The following CD300C variants were observed in gnomAD, a reference collection of about 807,000 sequenced individuals.
CD300C encodes CMRF35-like molecule 6.
A neutral mutation model predicts 18.4 loss-of-function variants in CD300C; 11 were observed. That is an observed-to-expected ratio of 0.60 (90% confidence interval 0.38 to 0.99). CD300C has a LOEUF of 0.99. CD300C is among the 50% of genes least tolerant of loss of function. The probability of loss-of-function intolerance (pLI) is 0.01; values close to 1 mark genes in which losing one functional copy is unlikely to be tolerated. For missense variants in CD300C, 277 were observed against 287.4 expected (o/e 0.96, Z 0.26); for synonymous variants, 116 against 116.3 (o/e 1.00, Z 0.02).
In CD300C at chr17:74,542,987, G is replaced by C. The variant is rs753743850; in HGVS notation, c.401C>G (p.Ala134Gly). ...GGGGCTGGAGGCTGTGGTCGTCCCG[G>C]CTGTGGGTGAAACACAGGTCAACCT... ...IVEVEVSVFPAGTTTASSPQS... is the reference protein window; with the variant it reads ...IVEVEVSVFPGGTTTASSPQS... Residue 134 changes from alanine to glycine, a missense_variant and splice_region_variant, in exon 3 of 4, where the codon GCC (alanine) becomes GGC (glycine). Coordinates refer to ENST00000330793, the MANE Select transcript of CD300C (RefSeq NM_006678.5). 6.2e-7 allele frequency: 1 copy of C among 1,613,402 alleles called. No individual in the cohort carries two copies. Among genetic ancestry groups the C allele is most frequent in the East Asian group, 2.2e-5 (1 of 44,882 alleles).
chr17:74,545,794 G>A lies in CD300C; in HGVS notation c.-12C>T, dbSNP rs779995113. On this transcript the variant is annotated 5_prime_UTR_variant, in exon 1 of 4. Transcript: ENST00000330793. ...GCCCTGGCAGTCATTCCTGTAACACGAATGTCACCTGCCACTGTGCAAGAC... is the reference window on the plus strand; with the variant it reads ...GCCCTGGCAGTCATTCCTGTAACACAAATGTCACCTGCCACTGTGCAAGAC... 1.7e-5 allele frequency: 27 copies of A among 1,601,474 alleles called. No individual in the cohort carries two copies. Among genetic ancestry groups the A allele is most frequent in the Admixed American group, 5.1e-5 (3 of 58,834 alleles).
intron 1 of CD300C, 76 bp from the exon 2 acceptor site, chr17:74,545,023 T>C: frequency 1.5e-6 from 2 of 1,372,016 alleles, no homozygotes; most frequent in Non-Finnish European, 2.0e-6. Context: ...CAGCCCCTCA[T>C]GGACCCTGGG....
chr17:74,545,866 C>T lies in CD300C; in HGVS notation c.-84G>A, dbSNP rs1412407063. 5.3e-6 allele frequency: 6 copies of T among 1,135,360 alleles called. No individual in the cohort carries two copies. Among genetic ancestry groups the T allele is most frequent in the African/African-American group, 3.1e-5 (2 of 64,894 alleles). 70.3% of individuals were successfully genotyped at this position (1,135,360 alleles called of 1,614,324 possible). A position where few individuals can be genotyped will look rare whatever the true frequency, so the allele number is the denominator to read the frequency against. Reference sequence around the variant, plus strand: ...ATCTCCTCCCAGCAGATCTGAGCTTCGCTTCTGCTTTTCTTCTGCTCTCTG... The same window carrying T: ...ATCTCCTCCCAGCAGATCTGAGCTTTGCTTCTGCTTTTCTTCTGCTCTCTG... On this transcript the variant is annotated 5_prime_UTR_variant, in exon 1 of 4. Coordinates refer to ENST00000330793, the MANE Select transcript of CD300C (RefSeq NM_006678.5).
In CD300C at chr17:74,541,400, T is replaced by C. The variant is rs1908541442; in HGVS notation, c.*189A>G. The C allele has an allele frequency of 3.3e-6, 2 of 597,960 alleles. No homozygotes were observed. The highest frequency in any genetic ancestry group is 6.0e-6 in the Non-Finnish European group (2 of 331,122). 37.0% of individuals were successfully genotyped at this position (597,960 alleles called of 1,614,324 possible). On this transcript the variant is annotated 3_prime_UTR_variant, in exon 4 of 4. Transcript: ENST00000330793. ...TGCACATGAGACGTGGACTCACAGC[T>C]CAGGGCGTCCATGTCCGTCAGGTTC... is the stretch of plus-strand genomic sequence containing the variant.
At chr17:74,545,075 CCAGGAA>C in intron 1 of CD300C, 128 bp from the exon 2 acceptor site, 1 of 838,988 alleles carries the variant, frequency 1.2e-6, no homozygotes, top group East Asian at 2.6e-5. Context: ...CTTTGTCCAC[CCAGGAA>C]CAGGGACTGA....
At chr17:74,541,800 A>T in intron 3 of CD300C, 64 bp from the exon 4 acceptor site, 1 of 1,548,090 alleles carries the variant, frequency 6.5e-7, no homozygotes. Context: ...GCCCTCCACC[A>T]TCCCCTGACC....
At chr17:74,536,575 T>C (rs1598134377), downstream of CD300C, among the ~76,000 whole-genome samples, 1 of 141,738 alleles carries the variant, frequency 7.1e-6, no homozygotes, top group Non-Finnish European at 1.6e-5. Flanking sequence ...CAACAGAAAG[T>C]AGATGAAGAT....
At chr17:74,538,224 G>A (rs940961307), downstream of CD300C, among the ~76,000 whole-genome samples, 7 of 152,144 alleles carry the variant, frequency 4.6e-5, no homozygotes, top group African/African-American at 9.7e-5. Context: ...TGCTTGGCGC[G>A]GTATTGATGG....
Position 74,541,106 on chromosome 17 carries a change from A to G in CD300C, c.*483T>C, listed in dbSNP as rs11653281. ...GACTGAGTGGGCCTGATACATCCCA[A>G]ACCTACACATTGTCATTTATTAAAG... On this transcript the variant is annotated 3_prime_UTR_variant, in exon 4 of 4. Transcript: ENST00000330793. The G allele has an allele frequency of 0.37, 59,351 of 161,404 alleles. 13,072 individuals carry two copies. The highest frequency in any genetic ancestry group is 0.62 in the Middle Eastern group (196 of 318). The allele number at this position is 161,404 out of a possible 1,614,324, so 10.0% of individuals were successfully genotyped here.
chr17:74,542,220 G>C (rs1908577218), intron 3 of CD300C, among the ~76,000 whole-genome samples: 1 of 117,132 alleles, frequency 8.5e-6, no homozygotes, highest in Non-Finnish European at 1.8e-5. Flanking sequence ...TTAATGAATG[G>C]ACAGCTCAGC....
At chr17:74,543,767 G>A (rs1908645785) in intron 2 of CD300C, among the ~76,000 whole-genome samples, 1 of 152,312 alleles carries the variant, frequency 6.6e-6, no homozygotes, top group South Asian at 2.1e-4. Flanking sequence ...AGGCCACTGG[G>A]TTTGTGTCTT....
intron 1 of CD300C, 64 bp downstream of exon 1, chr17:74,545,658 G>T: frequency 7.7e-7 from 1 of 1,305,670 alleles, no homozygotes; most frequent in Non-Finnish European, 1.1e-6. Context: ...TCCAGCGCCT[G>T]CACCCCTCCC....
chr17:74,543,546 G>C (rs544095841), intron 2 of CD300C, among the ~76,000 whole-genome samples: 38 of 152,330 alleles, frequency 2.5e-4, no homozygotes, highest in African/African-American at 8.9e-4. Flanking sequence ...GGTGAAGCCT[G>C]GGCGGCGGCC....
At position 74,541,739 on chromosome 17, in the gene CD300C, G is replaced by A. The variant is rs2293188; in HGVS notation, c.528-3C>T. On this transcript the variant is annotated splice_polypyrimidine_tract_variant and splice_region_variant and intron_variant, in intron 3 of 3. Transcript: ENST00000330793. ...AGCGGACATTGCTGAACAGGGAGCTGTGGGGACACGGTGACAGGCAGTGAG... is the reference window on the plus strand; with the variant it reads ...AGCGGACATTGCTGAACAGGGAGCTATGGGGACACGGTGACAGGCAGTGAG... 181,789 of 1,611,452 alleles carry A rather than the reference G, an allele frequency of 0.11. 11,924 individuals are homozygous for A. The highest frequency in any genetic ancestry group is 0.29 in the East Asian group (12,883 of 44,728).
At chr17:74,540,379 T>C (rs1219690115), downstream of CD300C, among the ~76,000 whole-genome samples, 1 of 152,196 alleles carries the variant, frequency 6.6e-6, no homozygotes, top group African/African-American at 2.4e-5. Flanking sequence ...CTGGAACATA[T>C]TCATGTATTT....
chr17:74,537,130 CAAG>C (rs745886501), downstream of CD300C, among the ~76,000 whole-genome samples: 139 of 146,236 alleles, frequency 9.5e-4, 3 homozygotes, highest in Admixed American at 8.3e-3. Flanking sequence ...AAAGGAGGGA[CAAG>C]AGGAGGAGGA....
At chr17:74,536,801 G>A (rs8067152), downstream of CD300C, among the ~76,000 whole-genome samples, 76,535 of 151,974 alleles carry the variant, frequency 0.5, 19,845 homozygotes, top group Middle Eastern at 0.65. Context: ...AATAATTTGC[G>A]CTTGCCTAGT....
chr17:74,542,868 G>A lies in CD300C; in HGVS notation c.520C>T (p.His174Tyr), dbSNP rs1316672003. 1.9e-6 allele frequency: 3 copies of A among 1,606,602 alleles called. No individual in the cohort carries two copies. The highest frequency in any genetic ancestry group is 2.5e-6 in the Non-Finnish European group (3 of 1,179,928). Residue 174 changes from histidine (H) to tyrosine (Y), a missense_variant, in exon 3 of 4, where the codon CAC becomes TAC. Physicochemically the swap from His to Tyr is moderately conservative, Grantham distance 83 (BLOSUM62 2). Transcript: ENST00000330793. ...TATGCGCAGGCACCTTACCCAGGGT[G>A]TGGGCTGGGTTCGGGGCTGTCCTTT... ...TRKDSPEPSP[H>Y]PGSLFSNVRF... is the part of the protein sequence containing the mutation.
In CD300C at chr17:74,542,848, G is replaced by T. The variant is rs377347502; in HGVS notation, c.527+13C>A. The T allele has an allele frequency of 6.2e-7, 1 of 1,602,626 alleles. No individual in the cohort carries two copies. The highest frequency in any genetic ancestry group is 8.5e-7 in the Non-Finnish European group (1 of 1,179,556). On this transcript the variant is annotated intron_variant, in intron 3 of 3. Transcript: ENST00000330793. The stretch of plus-strand genomic sequence containing the variant: ...CCGCCAGCGTGGCCCAGTCCTATGC[G>T]CAGGCACCTTACCCAGGGTGTGGGC...
Sources: gnomAD v4.1 joint callset for allele counts (sites outside exome capture counted in the v4.1 genomes callset) on GRCh38, gnomAD v4.1.1 for gene constraint, MANE v1.5 for transcripts, NCBI Gene and HGNC (gene_info 2026-07-23, HGNC 2026-07-21) for gene names.